Variants in SLC25A33 observed in about 807,000 individuals in gnomAD.
The protein encoded by SLC25A33 is bone marrow stromal cell mitochondrial carrier protein.
Under a neutral mutation model 35.5 loss-of-function variants are expected in SLC25A33, and 15 were observed. The ratio of observed to expected loss-of-function variants is 0.42; its 90% confidence interval spans 0.28 to 0.65. The LOEUF (loss-of-function observed/expected upper bound fraction) is 0.65. Among genes scored for constraint, SLC25A33 ranks in the 30% least tolerant of loss-of-function variants. The pLI is 0.20. For missense variants in SLC25A33, 257 were observed against 398.5 expected (o/e 0.64, Z 3.02); for synonymous variants, 136 against 148.7 (o/e 0.91, Z 0.62).
chr1:9,569,671 G>C (rs919447427), intron 3 of SLC25A33, among the ~76,000 whole-genome samples: 2 of 152,168 alleles, frequency 1.3e-5, no homozygotes, highest in African/African-American at 4.8e-5. Context: ...AAAATCCCAA[G>C]TAGCTCCTAT....
At chr1:9,551,010 A>C (rs1439869442) in intron 1 of SLC25A33, among the ~76,000 whole-genome samples, 1 of 152,086 alleles carries the variant, frequency 6.6e-6, no homozygotes, top group African/African-American at 2.4e-5. Flanking sequence ...TCCTTATTAT[A>C]GCCTATTTTC....
chr1:9,562,321 C>A (rs1442629153), intron 2 of SLC25A33, among the ~76,000 whole-genome samples: 1 of 146,986 alleles, frequency 6.8e-6, no homozygotes, highest in Non-Finnish European at 1.5e-5. Context: ...GCACTCCAGC[C>A]TGGCTGACAG....
chr1:9,543,891 A>G (rs1380811088), intron 1 of SLC25A33, among the ~76,000 whole-genome samples: 1 of 152,168 alleles, frequency 6.6e-6, no homozygotes, highest in African/African-American at 2.4e-5. Flanking sequence ...GGATCACCTG[A>G]GGTCAGGAGT....
Position 9,567,415 on chromosome 1 carries a change from C to A in SLC25A33, c.314+54C>A. The A allele has an allele frequency of 4.0e-6, 6 of 1,506,778 alleles. No individual in the cohort carries two copies. The South Asian group carries it at 4.8e-5, about 12-fold the overall frequency. 93.3% of individuals were successfully genotyped at this position (1,506,778 alleles called of 1,614,324 possible). Reference sequence around the variant, plus strand: ...TGCTAAGCAGTATGGAATTCTGGGTCCTTTCTTACCAAAGGGTGATGCTGC... The same window carrying A: ...TGCTAAGCAGTATGGAATTCTGGGTACTTTCTTACCAAAGGGTGATGCTGC... On this transcript the variant is annotated intron_variant, in intron 3 of 6. Transcript: ENST00000302692.
intron 5 of SLC25A33, 120 bp from the exon 6 acceptor site, chr1:9,579,834 G>C (rs1643712994): frequency 8.4e-7 from 1 of 1,188,762 alleles, no homozygotes; most frequent in Non-Finnish European, 1.2e-6. Context: ...AGAGTTAGGA[G>C]CCAGGAAACA....
At chr1:9,581,729 CAAAA>C (rs34855299) in intron 6 of SLC25A33, among the ~76,000 whole-genome samples, 3 of 77,446 alleles carry the variant, frequency 3.9e-5, no homozygotes, top group African/African-American at 4.1e-5. Context: ...GACTCTGCCT[CAAAA>C]AAAAAAAAAA....
At chr1:9,563,211 A>G (rs1439935009) in intron 2 of SLC25A33, among the ~76,000 whole-genome samples, 1 of 152,154 alleles carries the variant, frequency 6.6e-6, no homozygotes. Flanking sequence ...GGCATGAGCC[A>G]CCGCGCCCGG....
intron 5 of SLC25A33, among the ~76,000 whole-genome samples, chr1:9,573,743 G>A (rs752996616): frequency 3.3e-5 from 5 of 152,000 alleles, no homozygotes; most frequent in African/African-American, 7.3e-5. Context: ...GTTCTCCTCC[G>A]GATGGTCTCC....
chr1:9,565,331 A>C (rs898680393), intron 2 of SLC25A33, among the ~76,000 whole-genome samples: 7 of 151,092 alleles, frequency 4.6e-5, no homozygotes, highest in Non-Finnish European at 7.4e-5. Flanking sequence ...CCTGGCTAAC[A>C]CAGTGAAACC....
In SLC25A33 at chr1:9,584,315, A is replaced by G. The variant is rs1233584297; in HGVS notation, c.*1814A>G. 6.6e-6 allele frequency: 1 copy of G among 152,206 alleles called. No individual in the cohort carries two copies. The highest frequency in any genetic ancestry group is 1.5e-5 in the Non-Finnish European group (1 of 68,044). 9.4% of individuals were successfully genotyped at this position (152,206 alleles called of 1,614,324 possible). A position where few individuals can be genotyped will look rare whatever the true frequency, so the allele number is the denominator to read the frequency against. ...TCTTGACTCTAGTGTAATTGCTCCA[A>G]CAACTACGTAGAAGTCAAAATGAGT... is the stretch of plus-strand genomic sequence containing the variant. On this transcript the variant is annotated 3_prime_UTR_variant, in exon 7 of 7. Coordinates refer to ENST00000302692, the MANE Select transcript of SLC25A33 (RefSeq NM_032315.3).
At chr1:9,551,798 C>T (rs985830288) in intron 1 of SLC25A33, among the ~76,000 whole-genome samples, 3 of 152,002 alleles carry the variant, frequency 2.0e-5, no homozygotes, top group Non-Finnish European at 4.4e-5. Flanking sequence ...CTTGTTGAGC[C>T]CTGATGCCAG....
At chr1:9,559,993 T>C (rs1356011047) in intron 2 of SLC25A33, among the ~76,000 whole-genome samples, 3 of 152,150 alleles carry the variant, frequency 2.0e-5, no homozygotes, top group African/African-American at 7.2e-5. Flanking sequence ...GGCTCACCCT[T>C]GTAATCCCAG....
chr1:9,570,404 C>T, intron 4 of SLC25A33, 46 bp downstream of exon 4: 1 of 1,491,668 alleles, frequency 6.7e-7, no homozygotes, highest in South Asian at 1.2e-5. Context: ...TCTCACTTTT[C>T]TAAAGCATGC....
At chr1:9,571,394 A>C (rs1643588950) in intron 4 of SLC25A33, among the ~76,000 whole-genome samples, 1 of 152,134 alleles carries the variant, frequency 6.6e-6, no homozygotes, top group South Asian at 2.1e-4. Context: ...CCTGGGCTCA[A>C]GGGATTCTCC....
Position 9,578,753 on chromosome 1 carries a change from G to A in SLC25A33, c.483-1201G>A, listed in dbSNP as rs1320168038. 1.3e-5 allele frequency among the ~76,000 whole-genome samples: 2 copies of A among 152,190 alleles called. No homozygotes were observed. Among genetic ancestry groups the A allele is most frequent in the African/African-American group, 4.8e-5 (2 of 41,442 alleles). ...CCCAAAGTGCTGGGATTACAGGTGT[G>A]AGCCACTGCTCCCAGCCCTTGTGAT... is the stretch of plus-strand genomic sequence containing the variant. On this transcript the variant is annotated intron_variant, in intron 5 of 6. Coordinates refer to ENST00000302692, the MANE Select transcript of SLC25A33 (RefSeq NM_032315.3). This position sits in a 1 kb window ranked among gnomAD's most constrained non-coding sequence, Gnocchi z 4.3.
At chr1:9,568,232 A>G (rs1026254786) in intron 3 of SLC25A33, among the ~76,000 whole-genome samples, 18 of 151,340 alleles carry the variant, frequency 1.2e-4, no homozygotes, top group African/African-American at 2.4e-5. Context: ...ACCAGAGGTC[A>G]GGAATTGGAG....
intron 1 of SLC25A33, among the ~76,000 whole-genome samples, chr1:9,550,019 T>A (rs1387473013): frequency 0.012 from 1,152 of 98,382 alleles, 50 homozygotes; most frequent in African/African-American, 0.051. Context: ...ATATTTTTTT[T>A]TTTTTTTTTT....
intron 3 of SLC25A33, 102 bp downstream of exon 3, chr1:9,567,463 A>G (rs6698575): frequency 0.19 from 205,551 of 1,093,694 alleles, 22,116 homozygotes; most frequent in African/African-American, 0.42. Context: ...GTCTTTTTCT[A>G]TGTTGGATTT....
intron 1 of SLC25A33, among the ~76,000 whole-genome samples, chr1:9,546,609 T>A (rs1643174452): frequency 6.6e-6 from 1 of 152,248 alleles, no homozygotes; most frequent in Non-Finnish European, 1.5e-5. Context: ...GAGTCCCAGC[T>A]GGCCTTTGGA....
Sources: gnomAD v4.1 joint callset for allele counts (sites outside exome capture counted in the v4.1 genomes callset) on GRCh38, gnomAD v4.1.1 for gene constraint, Gnocchi (gnomAD v3.1) non-coding constraint, MANE v1.5 for transcripts, NCBI Gene and HGNC (gene_info 2026-07-23, HGNC 2026-07-21) for gene names.